Variants in SCRIB observed in about 807,000 individuals in gnomAD.
The protein encoded by SCRIB is protein scribble homolog.
In SCRIB, 72 loss-of-function variants were observed where a neutral mutation model predicts 170.0. That is an observed-to-expected ratio of 0.42 (90% confidence interval 0.35 to 0.52). The LOEUF is 0.52. Among genes scored for constraint, SCRIB ranks in the 20% least tolerant of loss-of-function variants. SCRIB has a pLI of 0.02. For missense variants in SCRIB, 2,475 were observed against 2,338.5 expected (o/e 1.06, Z -1.20); for synonymous variants, 1,298 against 1,044.3 (o/e 1.24, Z -4.68).
intron 24 of SCRIB, among the ~76,000 whole-genome samples, chr8:143,801,840 G>A (rs1189308542): frequency 2.0e-5 from 3 of 152,176 alleles, no homozygotes; most frequent in Non-Finnish European, 4.4e-5. Context: ...GGCTCTGTCC[G>A]TGGCTGGCCA....
Position 143,812,968 on chromosome 8 carries a change from G to C in SCRIB, c.643-7C>G, listed in dbSNP as rs1234087509. 6.2e-7 allele frequency: 1 copy of C among 1,612,574 alleles called. No individual in the cohort carries two copies. Among genetic ancestry groups the C allele is most frequent in the Non-Finnish European group, 8.5e-7 (1 of 1,179,874 alleles). ...GCCGCAGGTTCCCGAGCTCCTGCAG[G>C]TGGGCAGAGAGTCAGAGCGCGGATG... On this transcript the variant is annotated splice_polypyrimidine_tract_variant and splice_region_variant and intron_variant, in intron 7 of 36. Transcript: ENST00000356994.
Position 143,813,455 on chromosome 8 carries a change from G to A in SCRIB, c.503+15C>T. On this transcript the variant is annotated intron_variant, in intron 5 of 36. Transcript: ENST00000356994. ...GCCCTGCCCTGGCTGTTAGGAGAATGCCTGTCACACTCACGCTGGCAGGGA... is the reference window on the plus strand; with the variant it reads ...GCCCTGCCCTGGCTGTTAGGAGAATACCTGTCACACTCACGCTGGCAGGGA... The A allele has an allele frequency of 6.2e-7, 1 of 1,613,190 alleles. No individual in the cohort carries two copies. The highest frequency in any genetic ancestry group is 8.5e-7 in the Non-Finnish European group (1 of 1,179,930).
intron 24 of SCRIB, among the ~76,000 whole-genome samples, chr8:143,802,496 C>T (rs1318573855): frequency 6.6e-6 from 1 of 152,256 alleles, no homozygotes; most frequent in Non-Finnish European, 1.5e-5. Context: ...AGCAGGGACA[C>T]CCTCTGGGAG....
chr8:143,811,380 G>A lies in SCRIB; in HGVS notation c.907-35C>T, dbSNP rs1348322296. 6.3e-6 allele frequency: 10 copies of A among 1,583,714 alleles called. No homozygotes were observed. The East Asian group carries it at 2.0e-4, about 32-fold the overall frequency. On this transcript the variant is annotated intron_variant, in intron 9 of 36. Coordinates refer to ENST00000356994, the MANE Select transcript of SCRIB (RefSeq NM_182706.5). ...AAGAGGAGGTCAGAGGACGCTAGGG[G>A]CTTGCTGGGGGTGGGAAGGAGATGA... is the stretch of plus-strand genomic sequence containing the variant.
At chr8:143,793,714 G>A in intron 28 of SCRIB, 186 bp downstream of exon 28, 2 of 573,800 alleles carry the variant, frequency 3.5e-6, no homozygotes, top group East Asian at 2.9e-5. Flanking sequence ...GGCAGCTCTG[G>A]CCAGGAAAGC....
Position 143,792,576 on chromosome 8 carries a change from C to G in SCRIB, c.4237G>C (p.Glu1413Gln). 1 of 1,579,472 alleles carries G rather than the reference C, an allele frequency of 6.3e-7. No individual in the cohort carries two copies. The highest frequency in any genetic ancestry group is 8.5e-7 in the Non-Finnish European group (1 of 1,170,548). The part of the protein sequence containing the change: ...MLREAAEAGA[E>Q]ARLALDGETL... Reference sequence around the variant, plus strand: ...TCCCCGTCCAGGGCGAGCCTCGCTTCGGCCCCAGCCTCTGCCGCCTCCCGC... The same window carrying G: ...TCCCCGTCCAGGGCGAGCCTCGCTTGGGCCCCAGCCTCTGCCGCCTCCCGC... The change falls in exon 31 of 37, where the codon GAA becomes CAA. Residue 1413 changes from glutamate to glutamine, a missense_variant. By Grantham distance (29) the Glu-to-Gln change is conservative. Around this residue, in one of 3 missense-constraint regions of SCRIB, gnomAD observed 1,966 missense variants for 1,742.9 expected, o/e 1.13. Coordinates refer to ENST00000356994, the MANE Select transcript of SCRIB (RefSeq NM_182706.5).
At position 143,813,732 on chromosome 8, in the gene SCRIB, T is replaced by G; in HGVS notation, c.357-6A>C. The G allele has an allele frequency of 1.9e-6, 3 of 1,613,382 alleles. No individual in the cohort carries two copies. The highest frequency in any genetic ancestry group is 2.2e-5 in the East Asian group (1 of 44,882). Reference sequence around the variant, plus strand: ...GAGTGAAGCCATCAGGGAGCCTGGATGGGAGGAAGCAGAGGCCCTCGGATG... The same window carrying G: ...GAGTGAAGCCATCAGGGAGCCTGGAGGGGAGGAAGCAGAGGCCCTCGGATG... On this transcript the variant is annotated splice_polypyrimidine_tract_variant and splice_region_variant and intron_variant, in intron 3 of 36. Coordinates refer to ENST00000356994, the MANE Select transcript of SCRIB (RefSeq NM_182706.5).
chr8:143,791,549 AG>A (rs71318627), intron 35 of SCRIB, 109 bp from the exon 36 acceptor site: 25 of 1,556,634 alleles, frequency 1.6e-5, no homozygotes, highest in Middle Eastern at 1.7e-4. Flanking sequence ...CTGAAGGGGG[AG>A]GGGGGGTGAA....
At chr8:143,796,929 T>C (rs868966201) in intron 24 of SCRIB, among the ~76,000 whole-genome samples, 3 of 152,280 alleles carry the variant, frequency 2.0e-5, no homozygotes, top group Non-Finnish European at 4.4e-5. Flanking sequence ...GCTCACCCTC[T>C]TCTACTGTTC....
Position 143,808,683 on chromosome 8 carries a change from T to C in SCRIB, c.2041A>G (p.Arg681Gly), listed in dbSNP as rs769128901. The C allele has an allele frequency of 1.9e-6, 3 of 1,544,046 alleles. No individual in the cohort carries two copies. The highest frequency in any genetic ancestry group is 1.4e-5 in the African/African-American group (1 of 72,546). Residue 681 changes from arginine to glycine, a missense_variant, in exon 15 of 37, where the codon AGG (arginine) becomes GGG (glycine). This residue lies in a region of SCRIB where 1,966 missense variants were observed against 1,742.9 expected (regional missense o/e 1.13). Transcript: ENST00000356994. ...EEEEEEEEEN[R>G]AEEEEASTEE... Reference sequence around the variant, plus strand: ...GTGCTGGCCTCTTCCTCTTCAGCCCTGTTTTCCTCCTCCTCCTCTTCCTCC... The same window carrying C: ...GTGCTGGCCTCTTCCTCTTCAGCCCCGTTTTCCTCCTCCTCCTCTTCCTCC...
Position 143,803,458 on chromosome 8 carries a change from C to T in SCRIB, c.3528G>A (p.Leu1176=), listed in dbSNP as rs782052394. 1.9e-6 allele frequency: 3 copies of T among 1,597,922 alleles called. No homozygotes were observed. The African/African-American group carries it at 4.0e-5, about 21-fold the overall frequency. ...TGAGGGTGTCGCCCACACTGCGGAG[C>T]AGCTGCACCGCCTCGCCGTGCGTCA... is the stretch of plus-strand genomic sequence containing the variant. The part of the protein sequence containing the change: ...LGLTHGEAVQ[L]LRSVGDTLTV... The change falls in exon 24 of 37, where the codon CTG becomes CTA. Residue 1176 remains leucine (L), a synonymous_variant. Coordinates refer to ENST00000356994, the MANE Select transcript of SCRIB (RefSeq NM_182706.5).
chr8:143,801,053 G>A (rs540206512), intron 24 of SCRIB, among the ~76,000 whole-genome samples: 116 of 152,338 alleles, frequency 7.6e-4, no homozygotes, highest in Admixed American at 3.3e-3. Flanking sequence ...ACAAAGTGAG[G>A]GATTTAAATG....
intron 1 of SCRIB, 130 bp from the exon 2 acceptor site, chr8:143,814,248 G>A (rs977903516): frequency 1.4e-5 from 10 of 733,906 alleles, no homozygotes; most frequent in African/African-American, 5.3e-5. Context: ...CCGGGTCCTG[G>A]GGTCTAACCA....
chr8:143,794,144 C>T, intron 27 of SCRIB, 182 bp from the exon 28 acceptor site: 1 of 600,636 alleles, frequency 1.7e-6, no homozygotes, highest in South Asian at 2.1e-5. Context: ...CCCGTTCCCA[C>T]AGGATGCGGG....
Position 143,812,867 on chromosome 8 carries a change from G to A in SCRIB, c.737C>T (p.Thr246Ile). Residue 246 changes from threonine (T) to isoleucine (I), a missense_variant, in exon 8 of 37, where the codon ACT becomes ATT. Around this residue, in one of 3 missense-constraint regions of SCRIB, gnomAD observed 487 missense variants for 558.1 expected, o/e 0.87. Coordinates refer to ENST00000356994, the MANE Select transcript of SCRIB (RefSeq NM_182706.5). ...CAGGTTCTGGGACAGCAGCAGGTCA[G>A]TGAGCAGCACCAGCCCGCCGAGCTC... ...PAELGGLVLL[T>I]DLLLSQNLLR... 6.2e-7 allele frequency: 1 copy of A among 1,607,612 alleles called. No homozygotes were observed. The highest frequency in any genetic ancestry group is 8.5e-7 in the Non-Finnish European group (1 of 1,179,858).
In SCRIB at chr8:143,792,475, G is replaced by T; in HGVS notation, c.4328+10C>A. 6.5e-7 allele frequency: 1 copy of T among 1,530,028 alleles called. No homozygotes were observed. Among genetic ancestry groups the T allele is most frequent in the African/African-American group, 1.4e-5 (1 of 73,926 alleles). The allele number at this position is 1,530,028 out of a possible 1,614,324, so 94.8% of individuals were successfully genotyped here. A position where few individuals can be genotyped will look rare whatever the true frequency, so the allele number is the denominator to read the frequency against. ...GGTGAGTAGGGGGCGTCTGGTGGGC[G>T]GGTGCTCACCTTGAGGTGGGGCTCG... On this transcript the variant is annotated intron_variant, in intron 31 of 36. Coordinates refer to ENST00000356994, the MANE Select transcript of SCRIB (RefSeq NM_182706.5).
chr8:143,794,136 C>A, intron 27 of SCRIB, 174 bp from the exon 28 acceptor site: 2 of 610,550 alleles, frequency 3.3e-6, no homozygotes, highest in Non-Finnish European at 5.7e-6. Context: ...GGCTCGTCCC[C>A]GTTCCCACAG....
intron 1 of SCRIB, 146 bp downstream of exon 1, chr8:143,815,068 T>C: frequency 1.1e-6 from 1 of 907,872 alleles, no homozygotes. Flanking sequence ...AAGAGAAGGG[T>C]GGGGCTGGCT....
In SCRIB at chr8:143,813,757, G is replaced by A. The variant is rs550729515; in HGVS notation, c.357-31C>T. 6 of 1,612,244 alleles carry A rather than the reference G, an allele frequency of 3.7e-6. No individual in the cohort carries two copies. In the South Asian group the frequency reaches 4.4e-5, roughly 12 times the overall value. ...TGGGAGGAAGCAGAGGCCCTCGGAT[G>A]ACCAGTCCAGGGCTGTGGGACCCAT... On this transcript the variant is annotated intron_variant, in intron 3 of 36. Transcript: ENST00000356994.
Sources: gnomAD v4.1 joint callset for allele counts (sites outside exome capture counted in the v4.1 genomes callset) on GRCh38, gnomAD v4.1.1 for gene constraint, gnomAD v4.1.1 regional missense constraint, MANE v1.5 for transcripts, NCBI Gene and HGNC (gene_info 2026-07-23, HGNC 2026-07-21) for gene names.